Variants in ANO6 observed in about 807,000 individuals in gnomAD.
The protein encoded by ANO6 is anoctamin 6.
In ANO6, 106 loss-of-function variants were observed where a neutral mutation model predicts 117.5. That is an observed-to-expected ratio of 0.90 (90% confidence interval 0.77 to 1.06). ANO6 has a LOEUF of 1.06. ANO6 is among the 50% of genes least tolerant of loss of function. The pLI, the probability that ANO6 is intolerant of heterozygous loss-of-function variation, is 0.00. For synonymous variants in ANO6, 367 were observed against 385.1 expected (o/e 0.95, Z 0.55); for missense variants, 955 against 1,121.1 (o/e 0.85, Z 2.12).
chr12:45,266,683 G>A (rs1165125906), intron 1 of ANO6, among the ~76,000 whole-genome samples: 1 of 152,100 alleles, frequency 6.6e-6, no homozygotes, highest in East Asian at 1.9e-4. Context: ...TGTAGTTCGA[G>A]CTACTTGAAA....
intron 2 of ANO6, among the ~76,000 whole-genome samples, chr12:45,314,596 G>A (rs768391986): frequency 4.0e-5 from 6 of 151,412 alleles, no homozygotes; most frequent in African/African-American, 7.3e-5. Flanking sequence ...AATCAGGTTT[G>A]TATTTTTGAA....
chr12:45,328,232 G>A (rs558842896), intron 2 of ANO6, among the ~76,000 whole-genome samples: 1 of 152,042 alleles, frequency 6.6e-6, no homozygotes, highest in East Asian at 1.9e-4. Flanking sequence ...ACCATTTACT[G>A]AGCTGACTTC....
In ANO6 at chr12:45,391,012, T is replaced by TCGGGAGGCTGAGGCA. The variant is rs1225429806; in HGVS notation, c.1386+517_1386+531dup. On this transcript the variant is annotated intron_variant, in intron 12 of 19. Transcript: ENST00000320560. The stretch of plus-strand genomic sequence containing the variant: ...GTCACACACCTGTAGTCCCAGCTAC[T>TCGGGAGGCTGAGGCA]CGGGAGGCTGAGGCACGAGAGTCAC... Among the ~76,000 whole-genome samples, 3 of 151,982 alleles carry TCGGGAGGCTGAGGCA rather than the reference T, an allele frequency of 2.0e-5. No homozygotes were observed. The East Asian group carries it at 5.8e-4, about 29-fold the overall frequency.
intron 19 of ANO6, among the ~76,000 whole-genome samples, chr12:45,438,089 C>T (rs1049599965): frequency 2.6e-5 from 4 of 152,110 alleles, no homozygotes; most frequent in Non-Finnish European, 4.4e-5. Flanking sequence ...GCAGGGTCTG[C>T]GCTGGTGCTT....
intron 16 of ANO6, among the ~76,000 whole-genome samples, chr12:45,412,485 C>G (rs1239053016): frequency 2.6e-5 from 4 of 152,174 alleles, no homozygotes; most frequent in Non-Finnish European, 5.9e-5. Context: ...TTCAGCAGCT[C>G]CTCGTACCCC....
At chr12:45,244,986 A>G (rs541938647) in intron 1 of ANO6, among the ~76,000 whole-genome samples, 1 of 152,326 alleles carries the variant, frequency 6.6e-6, no homozygotes, top group African/African-American at 2.4e-5. Context: ...CTCAGGCACC[A>G]TGGAAGGGAC....
At chr12:45,288,153 C>T (rs1938978054) in intron 1 of ANO6, among the ~76,000 whole-genome samples, 1 of 152,136 alleles carries the variant, frequency 6.6e-6, no homozygotes. Context: ...TAGAAAGCAC[C>T]TACTGCCTGG....
intron 1 of ANO6, among the ~76,000 whole-genome samples, chr12:45,231,039 G>A (rs117319185): frequency 0.016 from 2,367 of 152,130 alleles, 48 homozygotes; most frequent in East Asian, 0.068. Context: ...CCCAGGAGGC[G>A]GAGACTGCAG....
intron 1 of ANO6, among the ~76,000 whole-genome samples, chr12:45,241,245 G>A (rs561285620): frequency 4.7e-4 from 71 of 152,158 alleles, no homozygotes; most frequent in Middle Eastern, 3.4e-3. Context: ...GGCTTTGTTC[G>A]TTTCTTTTTC....
chr12:45,430,137 T>C lies in ANO6; in HGVS notation c.*826T>C. The C allele has an allele frequency of 1.0e-6, 1 of 985,404 alleles. No individual in the cohort carries two copies. Among genetic ancestry groups the C allele is most frequent in the Non-Finnish European group, 1.2e-6 (1 of 829,874 alleles). 61.0% of individuals were successfully genotyped at this position (985,404 alleles called of 1,614,324 possible). A position where few individuals can be genotyped will look rare whatever the true frequency, so the allele number is the denominator to read the frequency against. On this transcript the variant is annotated 3_prime_UTR_variant, in exon 20 of 20. Transcript: ENST00000320560. Reference sequence around the variant, plus strand: ...ATGTTGATCTGGATAATTAATCTTTTCTAAAGATGTGTAGTTTCTTGGAAA... The same window carrying C: ...ATGTTGATCTGGATAATTAATCTTTCCTAAAGATGTGTAGTTTCTTGGAAA...
intron 1 of ANO6, among the ~76,000 whole-genome samples, chr12:45,241,603 A>G (rs1207630033): frequency 2.0e-5 from 3 of 152,188 alleles, no homozygotes; most frequent in Non-Finnish European, 4.4e-5. Context: ...GCTGGTGAGG[A>G]ACTGCGATCT....
At chr12:45,326,725 A>G (rs916569020) in intron 2 of ANO6, among the ~76,000 whole-genome samples, 3 of 152,264 alleles carry the variant, frequency 2.0e-5, no homozygotes, top group East Asian at 3.9e-4. Flanking sequence ...ACAACCCCAG[A>G]TTGTGCTGGG....
rs1940047213 is a variant in ANO6 at position 45,316,887 on chromosome 12, GACCTCA to G, written c.151-14407_151-14402del. On this transcript the variant is annotated intron_variant, in intron 2 of 19. Transcript: ENST00000320560. ...TTCACACTCTAAATAGAAAAGTATC[GACCTCA>G]GAGTTTTTTTTTAATGTGGATATAT... is the stretch of plus-strand genomic sequence containing the variant. 1.8e-4 allele frequency among the ~76,000 whole-genome samples: 26 copies of G among 148,478 alleles called. No individual in the cohort carries two copies. In the South Asian group the frequency reaches 5.3e-3, roughly 30 times the overall value.
At chr12:45,353,532 G>T (rs1233353035) in intron 7 of ANO6, among the ~76,000 whole-genome samples, 1 of 152,242 alleles carries the variant, frequency 6.6e-6, no homozygotes, top group African/African-American at 2.4e-5. Flanking sequence ...TAGAGGAAAT[G>T]CATTTACTAT....
At chr12:45,364,165 T>C (rs117627860) in intron 8 of ANO6, among the ~76,000 whole-genome samples, 2,535 of 152,360 alleles carry the variant, frequency 0.017, 36 homozygotes, top group Non-Finnish European at 0.027. Flanking sequence ...TAGCTGCTAA[T>C]CTTACTGAGG....
At position 45,347,251 on chromosome 12, in the gene ANO6, T is replaced by C; in HGVS notation, c.345+164T>C. On this transcript the variant is annotated intron_variant, in intron 4 of 19. Transcript: ENST00000320560. ...AATCTGCATTGTGTAGGATGTATTC[T>C]TTTTTTCTGATCAAAACTAGCAGAT... The C allele has an allele frequency of 4.7e-6, 3 of 637,314 alleles. No homozygotes were observed. In the South Asian group the frequency reaches 6.2e-5, roughly 13 times the overall value. The allele number at this position is 637,314 out of a possible 1,614,324, so 39.5% of individuals were successfully genotyped here.
At chr12:45,378,669 G>A (rs1344107597) in intron 10 of ANO6, among the ~76,000 whole-genome samples, 4 of 152,164 alleles carry the variant, frequency 2.6e-5, no homozygotes, top group East Asian at 1.9e-4. Context: ...AATGTGGGGC[G>A]GTGGGAGTAC....
chr12:45,375,240 T>G (rs537730771), intron 9 of ANO6, among the ~76,000 whole-genome samples: 174 of 152,236 alleles, frequency 1.1e-3, no homozygotes, highest in Admixed American at 2.8e-3. Context: ...CCATGCTCAT[T>G]GGTAGGAAGA....
At chr12:45,393,579 T>G (rs1051059848) in intron 12 of ANO6, among the ~76,000 whole-genome samples, 3 of 152,096 alleles carry the variant, frequency 2.0e-5, no homozygotes, top group African/African-American at 7.2e-5. Flanking sequence ...GAAAAAGTGT[T>G]AAGGGCAGCC....
Sources: allele counts gnomAD v4.1 joint callset (sites outside exome capture counted in the v4.1 genomes callset), GRCh38; gene constraint gnomAD v4.1.1; transcripts MANE v1.5; gene names NCBI Gene and HGNC (gene_info 2026-07-23, HGNC 2026-07-21).